The following MLLT3 variants were observed in gnomAD, a reference collection of about 807,000 sequenced individuals.
MLLT3 encodes the protein protein AF-9.
Under a neutral mutation model 53.2 loss-of-function variants are expected in MLLT3, and 4 were observed. The observed-to-expected ratio is 0.08, with a 90% CI of 0.04 to 0.17. The LOEUF is 0.17. MLLT3 is among the 10% of genes least tolerant of loss of function. MLLT3 has a pLI of 1.00. For synonymous variants in MLLT3, 283 were observed against 230.6 expected (o/e 1.23, Z -2.06); for missense variants, 569 against 684.0 (o/e 0.83, Z 1.87).
rs1587135214 is a variant in MLLT3, at chr9:20,346,379, C to CAAAAAAAAAAAAAACA, written c.*63_*64insTGTTTTTTTTTTTTTT. The CAAAAAAAAAAAAAACA allele has an allele frequency of 2.0e-6, 2 of 985,682 alleles. No homozygotes were observed. The highest frequency in any genetic ancestry group is 2.6e-6 in the Non-Finnish European group (2 of 762,444). 61.1% of individuals were successfully genotyped at this position (985,682 alleles called of 1,614,324 possible). The stretch of plus-strand genomic sequence containing the variant: ...AACAACAAGAACAAAAAATCACAAC[C>CAAAAAAAAAAAAAACA]AAAAAAAAAAAAAACCAAAAAAAAA... On this transcript the variant is annotated 3_prime_UTR_variant, in exon 11 of 11. Coordinates refer to ENST00000380338, the MANE Select transcript of MLLT3 (RefSeq NM_004529.4).
chr9:20,425,030 G>C (rs1413387583), intron 4 of MLLT3, among the ~76,000 whole-genome samples: 2 of 152,102 alleles, frequency 1.3e-5, no homozygotes, highest in Admixed American at 6.5e-5. Flanking sequence ...TTATTACATA[G>C]CACAATGTTA....
chr9:20,602,500 T>C (rs554374601), intron 2 of MLLT3, among the ~76,000 whole-genome samples: 9 of 152,274 alleles, frequency 5.9e-5, no homozygotes, highest in Admixed American at 2.6e-4. Flanking sequence ...TAAAAAAATC[T>C]ACATTTGTAT....
chr9:20,493,372 A>G (rs1825001193), intron 2 of MLLT3, among the ~76,000 whole-genome samples: 5 of 152,030 alleles, frequency 3.3e-5, no homozygotes. Context: ...ATCCAACTCC[A>G]GCTTAGCTTT....
chr9:20,611,052 T>G (rs1026674543), intron 2 of MLLT3, among the ~76,000 whole-genome samples: 38 of 152,090 alleles, frequency 2.5e-4, no homozygotes, highest in Admixed American at 2.5e-3. Context: ...TTCTTCAATA[T>G]AAAAAAGGTC....
chr9:20,414,357 G>C lies in MLLT3; in HGVS notation c.489C>G (p.Ser163Arg), dbSNP rs772542081. The change falls in exon 5 of 11, where the codon AGC becomes AGG. Residue 163 changes from serine to arginine, a missense_variant. Physicochemically the swap from Ser to Arg is moderately radical, Grantham distance 110. Around this residue, in one of 5 missense-constraint regions of MLLT3, gnomAD observed 39 missense variants for 68.8 expected, o/e 0.57. Coordinates refer to ENST00000380338, the MANE Select transcript of MLLT3 (RefSeq NM_004529.4). The stretch of plus-strand genomic sequence containing the variant: ...TGCTGCTGCTGCTACTGCTGCTGCT[G>C]CTGCTGCTGCTGCTGCTGCTACTGC... ...SSSSSSSSSS[S>R]SSSSSSSSSS... The C allele has an allele frequency of 1.2e-6, 2 of 1,603,540 alleles. No individual in the cohort carries two copies. The highest frequency in any genetic ancestry group is 4.5e-5 in the East Asian group (2 of 44,740).
chr9:20,514,461 AT>A (rs1289001081), intron 2 of MLLT3, among the ~76,000 whole-genome samples: 6 of 152,152 alleles, frequency 3.9e-5, no homozygotes, highest in Admixed American at 3.9e-4. Context: ...AATGAGACTA[AT>A]ATTCAACAAA....
chr9:20,580,701 A>G (rs1348460893), intron 2 of MLLT3, among the ~76,000 whole-genome samples: 1 of 152,214 alleles, frequency 6.6e-6, no homozygotes, highest in Non-Finnish European at 1.5e-5. Context: ...TTTTCTTCAC[A>G]CACTCCTTCA....
At chr9:20,609,383 T>C (rs1394679153) in intron 2 of MLLT3, among the ~76,000 whole-genome samples, 1 of 152,110 alleles carries the variant, frequency 6.6e-6, no homozygotes, top group Non-Finnish European at 1.5e-5. Context: ...AAATTTCATA[T>C]ACTTTCTTCT....
intron 2 of MLLT3, among the ~76,000 whole-genome samples, chr9:20,539,581 C>G (rs1027688756): frequency 1.3e-5 from 2 of 152,174 alleles, no homozygotes; most frequent in African/African-American, 4.8e-5. Flanking sequence ...CTTGTGAGAA[C>G]TGACTCACTA....
intron 2 of MLLT3, among the ~76,000 whole-genome samples, chr9:20,484,691 C>T (rs1234192162): frequency 6.6e-6 from 1 of 152,098 alleles, no homozygotes; most frequent in African/African-American, 2.4e-5. Flanking sequence ...TTTGTCTCTC[C>T]CATTAGTCTG....
At chr9:20,611,241 G>A (rs1366757226) in intron 2 of MLLT3, among the ~76,000 whole-genome samples, 19 of 152,144 alleles carry the variant, frequency 1.2e-4, no homozygotes, top group African/African-American at 4.3e-4. Flanking sequence ...TCCTTGGAGG[G>A]AGGCAGGGGA....
At position 20,462,790 on chromosome 9, in the gene MLLT3, T is replaced by C. The variant is rs532291995; in HGVS notation, c.194-6004A>G. ...TCCTCTCGTTCCTTATCCCAGACCA[T>C]CATTTATGAAATTGAGTAAATTTGT... On this transcript the variant is annotated intron_variant, in intron 2 of 10. Transcript: ENST00000380338. 2.0e-5 allele frequency among the ~76,000 whole-genome samples: 3 copies of C among 152,218 alleles called. 1 individual carries two copies. The South Asian group carries it at 6.2e-4, about 32-fold the overall frequency.
intron 2 of MLLT3, among the ~76,000 whole-genome samples, chr9:20,491,665 C>G (rs764992347): frequency 7.9e-5 from 12 of 152,064 alleles, no homozygotes; most frequent in Non-Finnish European, 1.8e-4. Context: ...GAGAAATCAA[C>G]AACAGTTATA....
intron 2 of MLLT3, among the ~76,000 whole-genome samples, chr9:20,490,134 A>G (rs932172781): frequency 2.6e-5 from 4 of 152,196 alleles, no homozygotes; most frequent in Non-Finnish European, 4.4e-5. Context: ...CTGATTAAGT[A>G]CCATGACAGG....
chr9:20,522,119 C>CA (rs1160825203), intron 2 of MLLT3, among the ~76,000 whole-genome samples: 218 of 139,530 alleles, frequency 1.6e-3, no homozygotes, highest in African/African-American at 4.7e-3. Flanking sequence ...AGTTTTGATA[C>CA]AAAAAAAAAA....
chr9:20,573,347 T>C (rs1318646237), intron 2 of MLLT3, among the ~76,000 whole-genome samples: 1 of 152,078 alleles, frequency 6.6e-6, no homozygotes, highest in Non-Finnish European at 1.5e-5. Context: ...GCCTGGCTAA[T>C]TTTCTGTATT....
At chr9:20,519,478 T>C (rs995602026) in intron 2 of MLLT3, among the ~76,000 whole-genome samples, 5 of 152,184 alleles carry the variant, frequency 3.3e-5, no homozygotes, top group African/African-American at 9.6e-5. Flanking sequence ...TTAAGAGCCA[T>C]ATATAGGCTT....
At chr9:20,547,933 C>T (rs77738472) in intron 2 of MLLT3, among the ~76,000 whole-genome samples, 1,667 of 152,278 alleles carry the variant, frequency 0.011, 35 homozygotes, top group African/African-American at 0.038. Context: ...ATCTGGACAA[C>T]GCAGCAAGAT....
chr9:20,471,781 T>C (rs1361984967), intron 2 of MLLT3, among the ~76,000 whole-genome samples: 1 of 151,648 alleles, frequency 6.6e-6, no homozygotes, highest in Non-Finnish European at 1.5e-5. Flanking sequence ...AACCAAGAGA[T>C]AGGTGTTAGA....
Sources: allele counts gnomAD v4.1 joint callset (sites outside exome capture counted in the v4.1 genomes callset), GRCh38; gene constraint gnomAD v4.1.1; regional missense constraint gnomAD v4.1.1; transcripts MANE v1.5; gene names NCBI Gene and HGNC (gene_info 2026-07-23, HGNC 2026-07-21).